SRSF5: variants seen among roughly 807,000 people sequenced by gnomAD.
SRSF5 encodes the protein serine and arginine rich splicing factor 5, also known as serine/arginine-rich splicing factor 5.
Under a neutral mutation model 34.0 loss-of-function variants are expected in SRSF5, and 5 were observed. The ratio of observed to expected loss-of-function variants is 0.15; its 90% CI spans 0.08 to 0.31. The LOEUF (loss-of-function observed/expected upper bound fraction) is 0.31, where lower values mean the gene tolerates loss of function less well. SRSF5 is among the 10% of genes least tolerant of loss of function. The pLI is 1.00. For synonymous variants in SRSF5, 164 were observed against 117.7 expected, an observed-to-expected ratio of 1.39 and a Z score of -2.55; for missense variants, 223 against 351.4, an observed-to-expected ratio of 0.63 and a Z score of 2.92.
Position 69,768,270 on chromosome 14 carries a change from C to A in SRSF5, c.114C>A (p.Gly38=), listed in dbSNP as rs760100677. 4.3e-6 allele frequency: 7 copies of A among 1,614,022 alleles called. No homozygotes were observed. The African/African-American group carries it at 9.3e-5, about 22-fold the overall frequency. ...GRIRDIDLKR[G]FGFVEFEDPR... ...TAAGAGATATTGATCTGAAAAGAGG[C>A]TTTGGTTTTGTGGTAAGTATTTAGA... Residue 38 remains glycine, a synonymous_variant, in exon 2 of 8, where the codon GGC becomes GGA. Coordinates refer to ENST00000557154, the MANE Select transcript of SRSF5 (RefSeq NM_001320214.2).
At position 69,771,837 on chromosome 14, in the gene SRSF5, A is replaced by G; in HGVS notation, c.*376A>G. 5.0e-6 allele frequency: 1 copy of G among 199,262 alleles called. No individual in the cohort carries two copies. Among genetic ancestry groups the G allele is most frequent in the Non-Finnish European group, 1.0e-5 (1 of 96,606 alleles). 12.3% of individuals were successfully genotyped at this position (199,262 alleles called of 1,614,324 possible). A position where few individuals can be genotyped will look rare whatever the true frequency, so the allele number is the denominator to read the frequency against. On this transcript the variant is annotated 3_prime_UTR_variant, in exon 8 of 8. Transcript: ENST00000557154. Reference sequence around the variant, plus strand: ...TCAGAATTAGTTTAATGCCTTAATTAAACTAATTAATAGCTTTGGACACTT... The same window carrying G: ...TCAGAATTAGTTTAATGCCTTAATTGAACTAATTAATAGCTTTGGACACTT...
rs940782152 is a variant in SRSF5 at position 69,768,429 on chromosome 14, CT to C, written c.126+150del. The C allele has an allele frequency of 3.8e-6, 5 of 1,331,964 alleles. No individual in the cohort carries two copies. The African/African-American group carries it at 7.3e-5, about 20-fold the overall frequency. The allele number at this position is 1,331,964 out of a possible 1,614,324, so 82.5% of individuals were successfully genotyped here. A position where few individuals can be genotyped will look rare whatever the true frequency, so the allele number is the denominator to read the frequency against. On this transcript the variant is annotated intron_variant, in intron 2 of 7. Coordinates refer to ENST00000557154, the MANE Select transcript of SRSF5 (RefSeq NM_001320214.2). ...TGAATTTTATTGAGGCTGAAAACAACTTTAACTTGCCGGCTCACTGGAACCC... is the reference window on the plus strand; with the variant it reads ...TGAATTTTATTGAGGCTGAAAACAACTTAACTTGCCGGCTCACTGGAACCC...
At chr14:69,768,035 T>G in intron 1 of SRSF5, 103 bp from the exon 2 acceptor site, 1 of 1,333,382 alleles carries the variant, frequency 7.5e-7, no homozygotes, top group South Asian at 1.3e-5. Context: ...GTTCATAACA[T>G]CACTGTGTAA....
At chr14:69,770,896 A>G in intron 6 of SRSF5, 99 bp from the exon 7 acceptor site, 1 of 1,043,054 alleles carries the variant, frequency 9.6e-7, no homozygotes, top group Non-Finnish European at 1.4e-6. Context: ...TAGTAGCAAT[A>G]GCAAAAGTGA....
In SRSF5 at chr14:69,771,330, G is replaced by A. The variant is rs1316997326; in HGVS notation, c.688G>A (p.Val230Ile). 1 of 1,614,018 alleles carries A rather than the reference G, an allele frequency of 6.2e-7. No homozygotes were observed. The highest frequency in any genetic ancestry group is 1.3e-5 in the African/African-American group (1 of 74,908). ...CCGGAGCCGGAGCAAGTCCCGTTCT[G>A]TTAGTAGGTCTCCCGTGCCTGAGAA... ...RSRSRSKSRS[V>I]SRSPVPEKSQ... Residue 230 changes from valine to isoleucine, a missense_variant, in exon 8 of 8, where the codon GTT becomes ATT. By Grantham distance (29) the Val-to-Ile change is conservative. This residue lies in a region of SRSF5 where 115 missense variants were observed against 119.7 expected (regional missense o/e 0.96). Transcript: ENST00000557154.
In SRSF5 at chr14:69,768,134, A is replaced by G. The variant is rs897393803; in HGVS notation, c.-19-4A>G. On this transcript the variant is annotated splice_polypyrimidine_tract_variant and splice_region_variant and intron_variant, in intron 1 of 7. Transcript: ENST00000557154. ...ATTATCTCGATTGAATTACTTTCTA[A>G]TAGGAAGTACTAGCCGGACATCATG... The G allele has an allele frequency of 3.1e-6, 5 of 1,613,894 alleles. No homozygotes were observed. Among genetic ancestry groups the G allele is most frequent in the Non-Finnish European group, 3.4e-6 (4 of 1,179,830 alleles).
intron 6 of SRSF5, 177 bp from the exon 7 acceptor site, chr14:69,770,818 T>G: frequency 1.5e-6 from 1 of 679,984 alleles, no homozygotes; most frequent in Non-Finnish European, 2.5e-6. Context: ...AACAATGAAT[T>G]GGCTCAAAGT....
intron 5 of SRSF5, chr14:69,770,139 T>C (rs1324171282): frequency 1.4e-5 from 15 of 1,057,638 alleles, no homozygotes; most frequent in Non-Finnish European, 1.7e-5. Context: ...CTTTAGTCTT[T>C]ACTTTAAAAA....
rs1566630109 is a variant in SRSF5, at chr14:69,771,506, AC to A, written c.*47del. On this transcript the variant is annotated 3_prime_UTR_variant, in exon 8 of 8. Coordinates refer to ENST00000557154, the MANE Select transcript of SRSF5 (RefSeq NM_001320214.2). ...GGGGGCCTTTTTTTAAAAAACAAAAACCACAAAAATTCCCAAACCATACTTG... is the reference window on the plus strand; with the variant it reads ...GGGGGCCTTTTTTTAAAAAACAAAAACACAAAAATTCCCAAACCATACTTG... 2 of 1,523,890 alleles carry A rather than the reference AC, an allele frequency of 1.3e-6. No homozygotes were observed. Among genetic ancestry groups the A allele is most frequent in the African/African-American group, 2.8e-5 (2 of 71,002 alleles). 94.4% of individuals were successfully genotyped at this position (1,523,890 alleles called of 1,614,324 possible). A position where few individuals can be genotyped will look rare whatever the true frequency, so the allele number is the denominator to read the frequency against.
At position 69,770,998 on chromosome 14, in the gene SRSF5, G is replaced by T. The variant is rs201708879; in HGVS notation, c.444G>T (p.Val148=). Residue 148 remains valine (V), a synonymous_variant, in exon 7 of 8, where the codon GTG becomes GTT. Transcript: ENST00000557154. ...AAGTGGCTGTTTTCCATTTTAGGGT[G>T]GTTGAGTTTGCCTCTTATGGTGACT... ...DAHRPKLNEG[V]VEFASYGDLK... 1 of 1,611,796 alleles carries T rather than the reference G, an allele frequency of 6.2e-7. No homozygotes were observed. The highest frequency in any genetic ancestry group is 1.3e-5 in the African/African-American group (1 of 74,668).
At chr14:69,767,457 T>G (rs1233724203) in intron 1 of SRSF5, 1 of 455,720 alleles carries the variant, frequency 2.2e-6, no homozygotes, top group Non-Finnish European at 4.4e-6. Context: ...ACTGTTCGGG[T>G]CGTTTTTACA....
At chr14:69,768,097 A>G (rs914698486) in intron 1 of SRSF5, 41 bp from the exon 2 acceptor site, 7 of 1,606,984 alleles carry the variant, frequency 4.4e-6, no homozygotes, top group Admixed American at 1.7e-5. Flanking sequence ...TTTCTCTGTG[A>G]CAGTCATTGC....
intron 1 of SRSF5, chr14:69,767,520 C>G (rs929189494): frequency 1.8e-5 from 8 of 455,862 alleles, no homozygotes; most frequent in African/African-American, 1.2e-4. Flanking sequence ...CTCCTGGACA[C>G]GTAGAATAGT....
chr14:69,769,029 T>C (rs1882891494), intron 4 of SRSF5, 133 bp downstream of exon 4: 2 of 1,276,092 alleles, frequency 1.6e-6, no homozygotes, highest in Middle Eastern at 1.8e-4. Flanking sequence ...AGCCAGTTGT[T>C]CTTGATGAAT....
chr14:69,771,534 T>C lies in SRSF5; in HGVS notation c.*73T>C. ...ACAAAAATTCCCAAACCATACTTGC[T>C]AAAAATTCTGGTAAGTATGTGCTTT... On this transcript the variant is annotated 3_prime_UTR_variant, in exon 8 of 8. Coordinates refer to ENST00000557154, the MANE Select transcript of SRSF5 (RefSeq NM_001320214.2). 7.4e-7 allele frequency: 1 copy of C among 1,350,238 alleles called. No individual in the cohort carries two copies. Among genetic ancestry groups the C allele is most frequent in the South Asian group, 1.3e-5 (1 of 79,198 alleles). The allele number at this position is 1,350,238 out of a possible 1,614,324, so 83.6% of individuals were successfully genotyped here. A position where few individuals can be genotyped will look rare whatever the true frequency, so the allele number is the denominator to read the frequency against.
At chr14:69,768,064 G>A (rs976670855) in intron 1 of SRSF5, 74 bp from the exon 2 acceptor site, 2 of 1,533,910 alleles carry the variant, frequency 1.3e-6, no homozygotes, top group Non-Finnish European at 1.8e-6. Flanking sequence ...TGCCGTTGAT[G>A]TTTTTGATTG....
intron 4 of SRSF5, 125 bp downstream of exon 4, chr14:69,769,021 C>T (rs1171652252): frequency 7.7e-7 from 1 of 1,292,200 alleles, no homozygotes; most frequent in Non-Finnish European, 1.1e-6. Context: ...CCCACGTTAG[C>T]CAGTTGTTCT....
chr14:69,767,507 C>T (rs948435895), intron 1 of SRSF5: 1 of 455,926 alleles, frequency 2.2e-6, no homozygotes. Context: ...TTAATGTCTT[C>T]ATCTCCTGGA....
chr14:69,769,431 C>T, intron 5 of SRSF5, 180 bp downstream of exon 5: 1 of 1,525,676 alleles, frequency 6.6e-7, no homozygotes, highest in African/African-American at 1.4e-5. Flanking sequence ...TATTAGTGAT[C>T]AAATGTAAAT....
Sources: gnomAD v4.1 joint callset for allele counts on GRCh38, gnomAD v4.1.1 for gene constraint, gnomAD v4.1.1 regional missense constraint, MANE v1.5 for transcripts, NCBI Gene and HGNC (gene_info 2026-07-23, HGNC 2026-07-21) for gene names.